The following FSIP1 variants were observed in gnomAD, a reference collection of about 807,000 sequenced individuals.
FSIP1 encodes fibrous sheath-interacting protein 1.
FSIP1 carries 65 observed loss-of-function variants against 60.9 expected under a neutral mutation model. That is an observed-to-expected ratio of 1.07 (90% CI 0.87 to 1.31). The LOEUF (loss-of-function observed/expected upper bound fraction) is 1.31. Ranked by LOEUF, FSIP1 falls within the 40% of genes most tolerant of loss-of-function variation. The probability of loss-of-function intolerance (pLI) is 0.00; values close to 1 mark genes in which losing one functional copy is unlikely to be tolerated. For synonymous variants in FSIP1, 209 were observed against 221.2 expected, an observed-to-expected ratio of 0.94 and a Z score of 0.49; for missense variants, 675 against 665.5, an observed-to-expected ratio of 1.01 and a Z score of -0.16.
At chr15:39,695,016 T>A (rs141413096) in intron 10 of FSIP1, among the ~76,000 whole-genome samples, 5 of 152,276 alleles carry the variant, frequency 3.3e-5, no homozygotes, top group South Asian at 4.1e-4. Context: ...AGGGTTTACA[T>A]TTTCCCAGCA....
intron 3 of FSIP1, among the ~76,000 whole-genome samples, chr15:39,766,757 T>G (rs959655041): frequency 2.0e-5 from 3 of 152,234 alleles, no homozygotes; most frequent in Non-Finnish European, 4.4e-5. Flanking sequence ...AGTGGCATAT[T>G]GTGCTAAGTA....
chr15:39,703,653 G>T (rs964424552), intron 10 of FSIP1, among the ~76,000 whole-genome samples: 69 of 152,120 alleles, frequency 4.5e-4, no homozygotes, highest in African/African-American at 1.5e-3. Context: ...CTAGATGATG[G>T]GTTGATAGGT....
chr15:39,751,569 T>C (rs1296696969), intron 5 of FSIP1, among the ~76,000 whole-genome samples: 4 of 151,076 alleles, frequency 2.6e-5, no homozygotes, highest in Non-Finnish European at 4.4e-5. Context: ...AAATACCGCA[T>C]GATCATGATC....
At chr15:39,725,134 G>A (rs1254885020) in intron 9 of FSIP1, among the ~76,000 whole-genome samples, 1 of 152,188 alleles carries the variant, frequency 6.6e-6, no homozygotes, top group Non-Finnish European at 1.5e-5. Flanking sequence ...AGGAGGCTAA[G>A]GCAGGAGAAT....
chr15:39,744,928 T>A (rs187022693), intron 5 of FSIP1, among the ~76,000 whole-genome samples: 1 of 151,990 alleles, frequency 6.6e-6, no homozygotes, highest in East Asian at 1.9e-4. Context: ...CCAGAGAGGA[T>A]GTGGCAGGGA....
At chr15:39,674,399 G>C (rs1267760383) in intron 10 of FSIP1, among the ~76,000 whole-genome samples, 1 of 152,128 alleles carries the variant, frequency 6.6e-6, no homozygotes, top group Non-Finnish European at 1.5e-5. Flanking sequence ...GGTCGTTCAT[G>C]GAACTTGAGA....
intron 10 of FSIP1, among the ~76,000 whole-genome samples, chr15:39,646,862 T>C (rs7176721): frequency 0.45 from 68,603 of 152,008 alleles, 18,247 homozygotes; most frequent in African/African-American, 0.75. Context: ...AACTGTGATA[T>C]ACACACATAC....
At chr15:39,722,651 G>C (rs1896027843) in intron 9 of FSIP1, among the ~76,000 whole-genome samples, 1 of 152,042 alleles carries the variant, frequency 6.6e-6, no homozygotes. Context: ...AACCACCACA[G>C]CACTTTACTT....
chr15:39,612,064 G>A (rs764558321), intron 11 of FSIP1, among the ~76,000 whole-genome samples: 4 of 152,110 alleles, frequency 2.6e-5, no homozygotes, highest in Non-Finnish European at 1.5e-5. Context: ...TATAAGAGTA[G>A]GGGACCTCAA....
At chr15:39,738,961 C>A (rs1178931167) in intron 7 of FSIP1, among the ~76,000 whole-genome samples, 1 of 152,240 alleles carries the variant, frequency 6.6e-6, no homozygotes, top group Non-Finnish European at 1.5e-5. Context: ...CAATACTCCA[C>A]ACTCGCCCAT....
chr15:39,755,441 G>C (rs1320357497), intron 5 of FSIP1, among the ~76,000 whole-genome samples: 1 of 152,094 alleles, frequency 6.6e-6, no homozygotes, highest in East Asian at 1.9e-4. Context: ...GACCAACCAA[G>C]ACAGTGAAGG....
chr15:39,660,894 C>T (rs1270786239), intron 10 of FSIP1, among the ~76,000 whole-genome samples: 1 of 152,070 alleles, frequency 6.6e-6, no homozygotes, highest in African/African-American at 2.4e-5. Flanking sequence ...GAAACCCCAT[C>T]TCTACTAAAA....
At chr15:39,667,252 G>T (rs28555511) in intron 10 of FSIP1, among the ~76,000 whole-genome samples, 21,015 of 147,356 alleles carry the variant, frequency 0.14, 1,817 homozygotes, top group African/African-American at 0.26. Flanking sequence ...AGTACCATGA[G>T]TTTTTTTTAA....
At chr15:39,645,629 C>G (rs568970057) in intron 10 of FSIP1, among the ~76,000 whole-genome samples, 1 of 152,332 alleles carries the variant, frequency 6.6e-6, no homozygotes, top group African/African-American at 2.4e-5. Flanking sequence ...AGCGGGAGCC[C>G]TGCCTCTTCC....
At chr15:39,613,501 T>C (rs537892436) in intron 11 of FSIP1, among the ~76,000 whole-genome samples, 1 of 152,274 alleles carries the variant, frequency 6.6e-6, no homozygotes, top group East Asian at 1.9e-4. Flanking sequence ...GCCAGATGGC[T>C]TTACTACTGA....
chr15:39,652,083 C>A (rs922908435), intron 10 of FSIP1, among the ~76,000 whole-genome samples: 6 of 152,162 alleles, frequency 3.9e-5, no homozygotes, highest in Non-Finnish European at 7.4e-5. Flanking sequence ...TGTCAATAAC[C>A]AGCTGTGTGA....
intron 10 of FSIP1, among the ~76,000 whole-genome samples, chr15:39,652,034 T>C (rs1892893274): frequency 6.6e-6 from 1 of 152,220 alleles, no homozygotes; most frequent in South Asian, 2.1e-4. Flanking sequence ...AGAGATGTTT[T>C]TCTTCCTAGG....
chr15:39,667,442 G>A (rs1269409844), intron 10 of FSIP1, among the ~76,000 whole-genome samples: 1 of 152,166 alleles, frequency 6.6e-6, no homozygotes, highest in East Asian at 1.9e-4. Flanking sequence ...GAGTGAGATG[G>A]AAAGCATAGG....
chr15:39,665,964 T>C (rs1033535761), intron 10 of FSIP1, among the ~76,000 whole-genome samples: 3 of 152,220 alleles, frequency 2.0e-5, no homozygotes, highest in African/African-American at 7.2e-5. Flanking sequence ...AGAGAGATTA[T>C]ATTCACAATG....
Sources: gnomAD v4.1 joint callset for allele counts (sites outside exome capture counted in the v4.1 genomes callset) on GRCh38, gnomAD v4.1.1 for gene constraint, MANE v1.5 for transcripts, NCBI Gene and HGNC (gene_info 2026-07-23, HGNC 2026-07-21) for gene names.